The following CYP11A1 variants were observed in gnomAD, a reference collection of about 807,000 sequenced individuals.
The protein encoded by CYP11A1 is cytochrome P450 family 11 subfamily A member 1.
In CYP11A1, 25 loss-of-function variants were observed where a neutral mutation model predicts 51.9. The ratio of observed to expected loss-of-function variants is 0.48; its 90% confidence interval spans 0.35 to 0.67. The LOEUF is 0.67. Among genes scored for constraint, CYP11A1 ranks in the 30% least tolerant of loss-of-function variants. The pLI is 0.00. For synonymous variants in CYP11A1, 245 were observed against 262.1 expected, an observed-to-expected ratio of 0.93 and a Z score of 0.63; for missense variants, 578 against 680.9, an observed-to-expected ratio of 0.85 and a Z score of 1.68.
intron 1 of CYP11A1, among the ~76,000 whole-genome samples, chr15:74,357,809 T>C (rs1356373365): frequency 6.6e-6 from 1 of 152,254 alleles, no homozygotes; most frequent in Non-Finnish European, 1.5e-5. Flanking sequence ...GCTTTAATAC[T>C]TTTAGAGGCC....
chr15:74,337,852 C>A lies in CYP11A1; in HGVS notation c.*120G>T. The A allele has an allele frequency of 6.5e-6, 9 of 1,391,782 alleles. No individual in the cohort carries two copies. The highest frequency in any genetic ancestry group is 8.0e-6 in the Non-Finnish European group (8 of 997,590). 86.2% of individuals were successfully genotyped at this position (1,391,782 alleles called of 1,614,324 possible). A position where few individuals can be genotyped will look rare whatever the true frequency, so the allele number is the denominator to read the frequency against. ...AGGTGACCACTGAGAACCCATTCAA[C>A]CTGCTGAGCAGGCTGGGCAGAAAGG... is the stretch of plus-strand genomic sequence containing the variant. On this transcript the variant is annotated 3_prime_UTR_variant, in exon 9 of 9. Coordinates refer to ENST00000268053, the MANE Select transcript of CYP11A1 (RefSeq NM_000781.3).
chr15:74,367,438 C>T lies in CYP11A1; in HGVS notation c.148G>A (p.Glu50Lys). ...ISTRSPRPFN[E>K]IPSPGDNGWL... is the part of the protein sequence containing the mutation. ...CCATTGTCACCAGGAGAGGGGATCT[C>T]ATTGAAGGGGCGAGGACTGCGGGTG... Residue 50 changes from glutamate to lysine, a missense_variant, in exon 1 of 9, where the codon GAG becomes AAG. Glu to Lys is a moderately conservative substitution (Grantham distance 56, BLOSUM62 1). Coordinates refer to ENST00000268053, the MANE Select transcript of CYP11A1 (RefSeq NM_000781.3). 2 of 1,614,236 alleles carry T rather than the reference C, an allele frequency of 1.2e-6. No individual in the cohort carries two copies. Among genetic ancestry groups the T allele is most frequent in the Middle Eastern group, 1.6e-4 (1 of 6,062 alleles).
rs763344732 is a variant in CYP11A1 at position 74,338,064 on chromosome 15, C to T, written c.1474G>A (p.Asp492Asn). 7 of 1,614,140 alleles carry T rather than the reference C, an allele frequency of 4.3e-6. No individual in the cohort carries two copies. The Admixed American group carries it at 5.0e-5, about 12-fold the overall frequency. The change falls in exon 9 of 9, where the codon GAT (aspartate) becomes AAT (asparagine). Residue 492 changes from aspartate (D) to asparagine (N), a missense_variant. Transcript: ENST00000268053. ...NFRVEIQHLS[D>N]VGTTFNLILM... ...ATGAGGTTGAATGTGGTGCCCACAT[C>T]GCTGAGGTGTTGGATTTCAACTCTG...
chr15:74,367,403 G>C lies in CYP11A1; in HGVS notation c.183C>G (p.Asn61Lys). The C allele has an allele frequency of 6.2e-7, 1 of 1,614,212 alleles. No homozygotes were observed. The highest frequency in any genetic ancestry group is 8.5e-7 in the Non-Finnish European group (1 of 1,180,026). ...IPSPGDNGWL[N>K]LYHFWRETGT... Reference sequence around the variant, plus strand: ...CCGTCTCCCTCCAGAAATGGTACAGGTTTAGCCAGCCATTGTCACCAGGAG... The same window carrying C: ...CCGTCTCCCTCCAGAAATGGTACAGCTTTAGCCAGCCATTGTCACCAGGAG... Residue 61 changes from asparagine (N) to lysine (K), a missense_variant, in exon 1 of 9, where the codon AAC becomes AAG. Transcript: ENST00000268053.
intron 1 of CYP11A1, among the ~76,000 whole-genome samples, chr15:74,348,824 C>T (rs1296066990): frequency 6.6e-6 from 1 of 152,150 alleles, no homozygotes; most frequent in African/African-American, 2.4e-5. Context: ...CCCTGACCTC[C>T]CAGGCTCAAG....
At position 74,345,018 on chromosome 15, in the gene CYP11A1, TGCCA is replaced by T. The variant is rs1382279318; in HGVS notation, c.625+22_625+25del. On this transcript the variant is annotated intron_variant, in intron 3 of 8. Transcript: ENST00000268053. The surrounding 1 kb of genome is among the most constrained non-coding windows in gnomAD (Gnocchi z 4.3). Reference sequence around the variant, plus strand: ...TGAGTCCTCCCACCCCCATGCCCACTGCCAGCCAGGTGCAAGCCCCCTTACACTC... The same window carrying T: ...TGAGTCCTCCCACCCCCATGCCCACTGCCAGGTGCAAGCCCCCTTACACTC... 6.2e-7 allele frequency: 1 copy of T among 1,609,546 alleles called. No individual in the cohort carries two copies. The highest frequency in any genetic ancestry group is 1.7e-5 in the Admixed American group (1 of 60,004).
chr15:74,367,403 G>A lies in CYP11A1; in HGVS notation c.183C>T (p.Asn61=). 1.2e-6 allele frequency: 2 copies of A among 1,614,212 alleles called. No homozygotes were observed. The highest frequency in any genetic ancestry group is 1.7e-6 in the Non-Finnish European group (2 of 1,180,026). The change falls in exon 1 of 9, where the codon AAC becomes AAT. Residue 61 remains asparagine, a synonymous_variant. Coordinates refer to ENST00000268053, the MANE Select transcript of CYP11A1 (RefSeq NM_000781.3). ...IPSPGDNGWL[N]LYHFWRETGT... Reference sequence around the variant, plus strand: ...CCGTCTCCCTCCAGAAATGGTACAGGTTTAGCCAGCCATTGTCACCAGGAG... The same window carrying A: ...CCGTCTCCCTCCAGAAATGGTACAGATTTAGCCAGCCATTGTCACCAGGAG...
At chr15:74,355,343 G>A (rs368415573) in intron 1 of CYP11A1, among the ~76,000 whole-genome samples, 5 of 152,108 alleles carry the variant, frequency 3.3e-5, no homozygotes, top group African/African-American at 7.2e-5. Context: ...CATCCTACAA[G>A]ATCTAGATAA....
chr15:74,367,211 G>A (rs1209273522), intron 1 of CYP11A1, 106 bp downstream of exon 1: 2 of 1,175,588 alleles, frequency 1.7e-6, no homozygotes, highest in Non-Finnish European at 2.5e-6. Flanking sequence ...TTAGACAGGA[G>A]TTTGGAACCA....
At chr15:74,343,717 A>G (rs934111926) in intron 4 of CYP11A1, 72 bp downstream of exon 4, 3 of 1,357,614 alleles carry the variant, frequency 2.2e-6, no homozygotes, top group Admixed American at 1.7e-5. Context: ...GCCCATTGAC[A>G]TAGCGTGGGA....
Position 74,339,621 on chromosome 15 carries a change from G to T in CYP11A1, c.1123C>A (p.Pro375Thr). Residue 375 changes from proline to threonine, a missense_variant, in exon 6 of 9, where the codon CCC becomes ACC. By Grantham distance (38) the Pro-to-Thr change is conservative. Coordinates refer to ENST00000268053, the MANE Select transcript of CYP11A1 (RefSeq NM_000781.3). ...TCCTTGATGCTGGCTTTGAGGAGGG[G>T]GACCAGCTGTAGCATCGTGGCCATG... ...GDMATMLQLV[P>T]LLKASIKETL... 1 of 1,614,184 alleles carries T rather than the reference G, an allele frequency of 6.2e-7. No individual in the cohort carries two copies. The highest frequency in any genetic ancestry group is 1.1e-5 in the South Asian group (1 of 91,072).
intron 1 of CYP11A1, among the ~76,000 whole-genome samples, chr15:74,348,744 A>G (rs1038839420): frequency 3.3e-5 from 5 of 152,078 alleles, no homozygotes; most frequent in Non-Finnish European, 7.4e-5. Context: ...TTTTGTTGTT[A>G]TTGTTGTTTT....
At position 74,365,986 on chromosome 15, in the gene CYP11A1, GGCC is replaced by G. The variant is rs1019159751; in HGVS notation, c.269+1328_269+1330del. ...GACTGGGACCTAGGACCTGCGGTGG[GGCC>G]GCCGCCGCCTCCGCGGGGCCGAGCG... On this transcript the variant is annotated intron_variant, in intron 1 of 8. Coordinates refer to ENST00000268053, the MANE Select transcript of CYP11A1 (RefSeq NM_000781.3). The G allele has an allele frequency of 1.6e-4, 157 of 983,482 alleles. 1 individual carries two copies. The South Asian group carries it at 2.8e-3, about 17-fold the overall frequency. 60.9% of individuals were successfully genotyped at this position (983,482 alleles called of 1,614,324 possible).
At position 74,338,715 on chromosome 15, in the gene CYP11A1, G is replaced by A. The variant is rs147405344; in HGVS notation, c.1290C>T (p.Phe430=). The change falls in exon 8 of 9, where the codon TTC becomes TTT. Residue 430 remains phenylalanine, a synonymous_variant. Transcript: ENST00000268053. ...GGGTTGGGTCAAAATTTTCCGGGTC[G>A]AAGAAGAAGGTGGGCTCTCGGCCCA... ...YALGREPTFF[F]DPENFDPTRW... 84 of 1,614,162 alleles carry A rather than the reference G, an allele frequency of 5.2e-5. No homozygotes were observed. In the African/African-American group the frequency reaches 8.4e-4, roughly 16 times the overall value.
At chr15:74,354,115 AG>A (rs1475024056) in intron 1 of CYP11A1, among the ~76,000 whole-genome samples, 1 of 152,194 alleles carries the variant, frequency 6.6e-6, no homozygotes, top group Non-Finnish European at 1.5e-5. Context: ...ACAGTCAAGC[AG>A]GGTCCCTGGG....
chr15:74,349,944 CCT>C (rs1433961661), intron 1 of CYP11A1, among the ~76,000 whole-genome samples: 3 of 151,756 alleles, frequency 2.0e-5, no homozygotes, highest in Admixed American at 1.3e-4. Context: ...AGAGCAAGAC[CCT>C]GTTTCAAAAA....
chr15:74,346,800 C>A (rs927148579), intron 2 of CYP11A1, among the ~76,000 whole-genome samples: 1 of 131,768 alleles, frequency 7.6e-6, no homozygotes, highest in Non-Finnish European at 1.6e-5. Context: ...CTTTTCTTTT[C>A]TTTTTTTTTT....
intron 1 of CYP11A1, chr15:74,366,020 A>G: frequency 1.0e-6 from 1 of 986,028 alleles, no homozygotes; most frequent in Non-Finnish European, 1.2e-6. Context: ...GAGCGCCTGG[A>G]CCTCGCCCTG....
At chr15:74,341,740 T>C (rs2060607842) in intron 5 of CYP11A1, among the ~76,000 whole-genome samples, 1 of 152,158 alleles carries the variant, frequency 6.6e-6, no homozygotes, top group South Asian at 2.1e-4. Context: ...AATGTGACTA[T>C]ATTTGGAGAT....
Sources: gnomAD v4.1 joint callset for allele counts (sites outside exome capture counted in the v4.1 genomes callset) on GRCh38, gnomAD v4.1.1 for gene constraint, Gnocchi (gnomAD v3.1) non-coding constraint, MANE v1.5 for transcripts, NCBI Gene and HGNC (gene_info 2026-07-23, HGNC 2026-07-21) for gene names.